The following VCF2 variants were observed in gnomAD, a reference collection of about 807,000 sequenced individuals.
VCF2 encodes protein VCF2.
the VCF2 span, chrX:55,145,809 G>A: frequency 9.1e-6 from 8 of 878,616 alleles, no homozygotes; most frequent in South Asian, 3.1e-4. Context: ...CAATGCACAG[G>A]AGAAGTTTCC....
chrX:55,161,168 C>T, the VCF2 span: 2 of 1,205,157 alleles, frequency 1.7e-6, no homozygotes, highest in South Asian at 1.8e-5. Flanking sequence ...GTCCTGCCCT[C>T]GGAACCATAG....
the VCF2 span, among the ~76,000 whole-genome samples, chrX:55,157,568 T>C: frequency 5.4e-5 from 6 of 112,056 alleles, no homozygotes; most frequent in Non-Finnish European, 9.4e-5. Flanking sequence ...TCTGAATTGA[T>C]ATTACTTAAA....
the VCF2 span, among the ~76,000 whole-genome samples, chrX:55,150,107 T>C: frequency 8.9e-6 from 1 of 112,368 alleles, no homozygotes; most frequent in East Asian, 2.8e-4. Flanking sequence ...TATAATACAA[T>C]CATACAAGAA....
the VCF2 span, among the ~76,000 whole-genome samples, chrX:55,154,744 G>A: frequency 1.8e-5 from 2 of 112,451 alleles, no homozygotes; most frequent in Non-Finnish European, 3.7e-5. Flanking sequence ...CTAACACTTT[G>A]ACTCGTGTGC....
the VCF2 span, among the ~76,000 whole-genome samples, chrX:55,150,174 T>A: frequency 3.6e-5 from 4 of 112,218 alleles, no homozygotes; most frequent in African/African-American, 6.5e-5. Context: ...ATAAATGTGT[T>A]ATTAGTATGT....
At chrX:55,151,489 G>A in the VCF2 span, among the ~76,000 whole-genome samples, 1,055 of 112,728 alleles carry the variant, frequency 9.4e-3, 12 homozygotes, top group African/African-American at 0.032. Context: ...AGGCGTTGAA[G>A]TGTAATCTGA....
chrX:55,144,641 G>A, the VCF2 span, among the ~76,000 whole-genome samples: 1 of 111,589 alleles, frequency 9.0e-6, no homozygotes, highest in East Asian at 2.8e-4. Context: ...CTAAGATAGT[G>A]TTCATTTTCA....
chrX:55,152,305 A>G, the VCF2 span, among the ~76,000 whole-genome samples: 1 of 112,323 alleles, frequency 8.9e-6, no homozygotes, highest in Non-Finnish European at 1.9e-5. Context: ...CTACAGATGT[A>G]TGGACTTCAG....
the VCF2 span, chrX:55,160,660 T>TA: frequency 4.2e-6 from 2 of 479,885 alleles, no homozygotes; most frequent in Admixed American, 8.0e-5. Flanking sequence ...AATACATTGA[T>TA]AAAGGTCCAT....
chrX:55,157,319 G>C, the VCF2 span, among the ~76,000 whole-genome samples: 10 of 112,066 alleles, frequency 8.9e-5, no homozygotes, highest in Admixed American at 8.4e-4. Flanking sequence ...GATCACTTGA[G>C]GCCAGGAGTT....
At chrX:55,143,318 TAA>T in the VCF2 span, 1 of 112,141 alleles carries the variant, frequency 8.9e-6, no homozygotes, top group Non-Finnish European at 1.9e-5. Flanking sequence ...AATTGTAACT[TAA>T]GTTTTCTCTA....
the VCF2 span, among the ~76,000 whole-genome samples, chrX:55,147,200 T>A: frequency 1.3e-4 from 14 of 111,881 alleles, no homozygotes; most frequent in Admixed American, 1.9e-4. Flanking sequence ...TTATATTTCT[T>A]CTAAGTAAGT....
chrX:55,160,696 G>A, the VCF2 span: 1 of 593,533 alleles, frequency 1.7e-6, no homozygotes, highest in Non-Finnish European at 2.6e-6. Context: ...CGTGGAGAAA[G>A]ATGACAAAAC....
chrX:55,145,997 G>C, the VCF2 span: 3 of 1,117,038 alleles, frequency 2.7e-6, no homozygotes, highest in Non-Finnish European at 3.5e-6. Context: ...TTAAAATGTA[G>C]ACTTAAAAAC....
the VCF2 span, among the ~76,000 whole-genome samples, chrX:55,152,916 C>A: frequency 6.3e-5 from 7 of 111,848 alleles, no homozygotes; most frequent in African/African-American, 2.3e-4. Flanking sequence ...TATCTGATTA[C>A]TCCCTCTACC....
chrX:55,148,105 G>A, the VCF2 span, among the ~76,000 whole-genome samples: 1 of 110,020 alleles, frequency 9.1e-6, no homozygotes, highest in African/African-American at 3.3e-5. Context: ...TAAATTTATA[G>A]GCTATAAAAA....
the VCF2 span, chrX:55,161,103 C>G: frequency 1.7e-6 from 2 of 1,207,427 alleles, no homozygotes; most frequent in Non-Finnish European, 2.2e-6. Flanking sequence ...AGAGCTCGGA[C>G]TGGTACCGGC....
chrX:55,146,009 A>G, the VCF2 span: 2 of 1,138,034 alleles, frequency 1.8e-6, no homozygotes, highest in Non-Finnish European at 2.3e-6. Context: ...CTTAAAAACC[A>G]ATAGACTTTT....
the VCF2 span, among the ~76,000 whole-genome samples, chrX:55,158,493 T>C: frequency 2.3e-4 from 25 of 111,073 alleles, 1 homozygote; most frequent in Admixed American, 1.4e-3. Flanking sequence ...GTAGGAAAAT[T>C]ACAGTTAACA....
Sources: allele counts gnomAD v4.1 joint callset (sites outside exome capture counted in the v4.1 genomes callset), GRCh38; gene constraint gnomAD v4.1.1; transcripts MANE v1.5; gene names NCBI Gene and HGNC (gene_info 2026-07-23, HGNC 2026-07-21).